MCTP2: variants seen among roughly 807,000 people sequenced by gnomAD.
MCTP2 encodes the protein multiple C2 and transmembrane domain containing 2.
In MCTP2, 132 loss-of-function variants were observed where a neutral mutation model predicts 111.6. That is an observed-to-expected ratio of 1.18 (90% CI 1.03 to 1.37). The LOEUF (loss-of-function observed/expected upper bound fraction) is 1.37, where lower values mean the gene tolerates loss of function less well. Ranked by LOEUF, MCTP2 falls within the 40% of genes most tolerant of loss-of-function variation. The pLI, the probability that MCTP2 is intolerant of heterozygous loss-of-function variation, is 0.00. For synonymous variants in MCTP2, 395 were observed against 387.7 expected, an observed-to-expected ratio of 1.02 and a Z score of -0.22; for missense variants, 1,183 against 1,067.9, an observed-to-expected ratio of 1.11 and a Z score of -1.50.
chr15:94,251,028 C>T (rs914225080), intron 1 of MCTP2, among the ~76,000 whole-genome samples: 2 of 152,172 alleles, frequency 1.3e-5, no homozygotes, highest in Non-Finnish European at 2.9e-5. Context: ...CCTTGGTTGA[C>T]TTCATGACTT....
intron 1 of MCTP2, among the ~76,000 whole-genome samples, chr15:94,234,202 G>A (rs535618615): frequency 2.1e-3 from 317 of 152,264 alleles, no homozygotes; most frequent in African/African-American, 7.3e-3. Context: ...AGAGTATGTA[G>A]GGGATATGAA....
At chr15:94,443,045 C>CTA in intron 19 of MCTP2, 85 bp downstream of exon 19, 6 of 849,486 alleles carry the variant, frequency 7.1e-6, no homozygotes, top group Non-Finnish European at 8.4e-6. Flanking sequence ...TCTCTCTCCT[C>CTA]TCTTTTTTTT....
chr15:94,356,372 T>A (rs1203375114), intron 9 of MCTP2, 71 bp downstream of exon 9: 2 of 1,361,666 alleles, frequency 1.5e-6, no homozygotes, highest in African/African-American at 3.0e-5. Context: ...TGTTTCCCAC[T>A]TTAAATTTTA....
At chr15:94,400,119 C>T in intron 16 of MCTP2, 124 bp downstream of exon 16, 1 of 728,302 alleles carries the variant, frequency 1.4e-6, no homozygotes, top group Non-Finnish European at 2.3e-6. Context: ...CTCTCTCCCT[C>T]TTGCCCCATC....
intron 4 of MCTP2, among the ~76,000 whole-genome samples, chr15:94,324,994 G>A (rs1032668214): frequency 7.9e-5 from 12 of 152,184 alleles, no homozygotes; most frequent in African/African-American, 2.9e-4. Flanking sequence ...TTCTGAATGG[G>A]ATGTACTGAA....
At chr15:94,359,825 A>C (rs961285959) in intron 10 of MCTP2, among the ~76,000 whole-genome samples, 99 of 152,228 alleles carry the variant, frequency 6.5e-4, no homozygotes, top group African/African-American at 2.1e-3. Flanking sequence ...AATGCTTAGC[A>C]CAGTGTTTGA....
intron 5 of MCTP2, 150 bp downstream of exon 5, chr15:94,339,582 TGTTG>T: frequency 5.9e-6 from 3 of 507,364 alleles, no homozygotes; most frequent in Non-Finnish European, 9.8e-6. Flanking sequence ...TTATACTGTT[TGTTG>T]AAACTGTATG....
chr15:94,400,601 CTTTT>C (rs34352208), intron 16 of MCTP2, among the ~76,000 whole-genome samples: 2 of 136,524 alleles, frequency 1.5e-5, no homozygotes, highest in African/African-American at 5.4e-5. Context: ...GGAAGTTTCA[CTTTT>C]TTTTTTTTTT....
At chr15:94,295,526 T>G (rs2075233648) in intron 1 of MCTP2, among the ~76,000 whole-genome samples, 2 of 152,122 alleles carry the variant, frequency 1.3e-5, no homozygotes, top group Non-Finnish European at 1.5e-5. Flanking sequence ...GTATACTTTA[T>G]TTCACACATG....
intron 17 of MCTP2, among the ~76,000 whole-genome samples, chr15:94,411,748 A>T (rs536582637): frequency 6.6e-6 from 1 of 152,120 alleles, no homozygotes; most frequent in Non-Finnish European, 1.5e-5. Context: ...CATCTCACGT[A>T]TACAAAAAAA....
intron 2 of MCTP2, among the ~76,000 whole-genome samples, chr15:94,306,018 G>A (rs567267981): frequency 2.0e-3 from 303 of 152,202 alleles, no homozygotes; most frequent in African/African-American, 6.8e-3. Flanking sequence ...GGTTCTTGCC[G>A]TAGGTATTGA....
intron 12 of MCTP2, among the ~76,000 whole-genome samples, chr15:94,379,081 T>TTA (rs1252202257): frequency 6.6e-6 from 1 of 151,760 alleles, no homozygotes; most frequent in African/African-American, 2.4e-5. Flanking sequence ...TTTTTTTTTT[T>TTA]AATGTTTTCC....
At chr15:94,473,333 A>T (rs1222426160) in intron 21 of MCTP2, among the ~76,000 whole-genome samples, 1 of 152,212 alleles carries the variant, frequency 6.6e-6, no homozygotes, top group African/African-American at 2.4e-5. Flanking sequence ...TGAATGAATG[A>T]GCCTGCAAGC....
chr15:94,395,529 AAG>A (rs1400026544), intron 14 of MCTP2, among the ~76,000 whole-genome samples: 3 of 152,212 alleles, frequency 2.0e-5, no homozygotes, highest in African/African-American at 4.8e-5. Flanking sequence ...TTTTTTTAAA[AAG>A]AGTTCAAGAT....
rs1000344099 is a variant in MCTP2, at chr15:94,415,101, C to G, written c.2085+13082C>G. ...GAGATCAAATACACTGGCTAAAAAG[C>G]CTTAGGGAAGCATTATGTGTCTGAG... On this transcript the variant is annotated intron_variant, in intron 17 of 22. Transcript: ENST00000357742. 2.0e-5 allele frequency among the ~76,000 whole-genome samples: 3 copies of G among 151,848 alleles called. No individual in the cohort carries two copies. The South Asian group carries it at 6.3e-4, about 32-fold the overall frequency.
chr15:94,443,604 G>A (rs758930746), intron 19 of MCTP2, among the ~76,000 whole-genome samples: 1 of 152,166 alleles, frequency 6.6e-6, no homozygotes, highest in Non-Finnish European at 1.5e-5. Context: ...GCAGAGGAAA[G>A]GGTAAAAGGG....
chr15:94,434,104 A>AT (rs1172428212), intron 17 of MCTP2, among the ~76,000 whole-genome samples: 1 of 146,530 alleles, frequency 6.8e-6, no homozygotes, highest in East Asian at 2.0e-4. Context: ...TTTTTTTTTT[A>AT]TTTTTTTGTG....
In MCTP2 at chr15:94,394,100, A is replaced by G. The variant is rs1175643442; in HGVS notation, c.1789-4861A>G. Among the ~76,000 whole-genome samples the G allele has an allele frequency of 3.3e-5, 5 of 151,790 alleles. No homozygotes were observed. The East Asian group carries it at 9.7e-4, about 29-fold the overall frequency. On this transcript the variant is annotated intron_variant, in intron 14 of 22. Coordinates refer to ENST00000357742, the MANE Select transcript of MCTP2 (RefSeq NM_001385001.1). ...TAAAAAACGTGGTAGCTGAACACGT[A>G]TGAATGGCTCATGATTTATTCAATT...
intron 2 of MCTP2, among the ~76,000 whole-genome samples, chr15:94,303,092 TTATATAGTTTATATATA>T (rs2075710802): frequency 4.7e-5 from 1 of 21,154 alleles, no homozygotes; most frequent in South Asian, 1.7e-3. Flanking sequence ...TATATATAGT[TTATATAGTTTATATATA>T]TATATAGTTT....
Sources: gnomAD v4.1 joint callset for allele counts (sites outside exome capture counted in the v4.1 genomes callset) on GRCh38, gnomAD v4.1.1 for gene constraint, MANE v1.5 for transcripts, NCBI Gene and HGNC (gene_info 2026-07-23, HGNC 2026-07-21) for gene names.